The following RALA variants were observed in gnomAD, a reference collection of about 807,000 sequenced individuals.
The protein encoded by RALA is RAS like proto-oncogene A.
RALA carries 5 observed loss-of-function variants against 24.0 expected under a neutral mutation model. That is an observed-to-expected ratio of 0.21 (90% CI 0.11 to 0.44). The LOEUF is 0.44. Ranked by LOEUF, RALA falls within the 20% of genes least tolerant of loss-of-function variation. The pLI is 0.99. For missense variants in RALA, 95 were observed against 241.2 expected (o/e 0.39, Z 4.01); for synonymous variants, 77 against 83.8 (o/e 0.92, Z 0.44).
At chr7:39,697,320 C>T in intron 4 of RALA, 1 of 455,944 alleles carries the variant, frequency 2.2e-6, no homozygotes, top group South Asian at 1.6e-5. Flanking sequence ...CTCTCCACTC[C>T]CCACCCTCAA....
In RALA at chr7:39,629,669, C is replaced by G. The variant is rs186407661; in HGVS notation, c.-38+5844C>G. Among the ~76,000 whole-genome samples the G allele has an allele frequency of 4.6e-5, 7 of 152,304 alleles. No individual in the cohort carries two copies. In the East Asian group the frequency reaches 1.4e-3, roughly 29 times the overall value. On this transcript the variant is annotated intron_variant, in intron 1 of 4. Coordinates refer to ENST00000005257, the MANE Select transcript of RALA (RefSeq NM_005402.4). ...GGAGTACAGTGGCGCCATCTCAGCT[C>G]ACTGCAACCTCTGCCTCCTAGGTTC...
chr7:39,657,072 A>C (rs1209962059), intron 1 of RALA, among the ~76,000 whole-genome samples: 1 of 151,976 alleles, frequency 6.6e-6, no homozygotes, highest in East Asian at 1.9e-4. Context: ...GGTTTAAGCG[A>C]TTCTCCCGTT....
chr7:39,691,907 GAATA>G (rs1457867442), intron 3 of RALA, among the ~76,000 whole-genome samples: 1 of 152,106 alleles, frequency 6.6e-6, no homozygotes, highest in African/African-American at 2.4e-5. Context: ...CTAAGTAATG[GAATA>G]AATGTTATCA....
Position 39,623,858 on chromosome 7 carries a change from G to T in RALA, c.-38+33G>T, listed in dbSNP as rs538623575. ...ATGCCCGCTCGGGCCGCCCGGGGAG[G>T]GACTGGGGCCACCCGGGCGGCGGCG... On this transcript the variant is annotated intron_variant, in intron 1 of 4. Coordinates refer to ENST00000005257, the MANE Select transcript of RALA (RefSeq NM_005402.4). This position sits in a 1 kb window ranked among gnomAD's most constrained non-coding sequence, Gnocchi z 4.9. The T allele has an allele frequency of 6.6e-6, 1 of 152,054 alleles. No homozygotes were observed. Among genetic ancestry groups the T allele is most frequent in the Non-Finnish European group, 1.5e-5 (1 of 68,064 alleles). The allele number at this position is 152,054 out of a possible 1,614,324, so 9.4% of individuals were successfully genotyped here. A position where few individuals can be genotyped will look rare whatever the true frequency, so the allele number is the denominator to read the frequency against.
intron 1 of RALA, among the ~76,000 whole-genome samples, chr7:39,670,903 CCTTACAGTAA>C (rs1562617722): frequency 6.6e-6 from 1 of 152,216 alleles, no homozygotes; most frequent in East Asian, 1.9e-4. Context: ...TCCATCATTT[CCTTACAGTAA>C]CTCTTCTCTC....
chr7:39,678,442 G>A (rs1792527975), intron 1 of RALA, among the ~76,000 whole-genome samples: 1 of 152,170 alleles, frequency 6.6e-6, no homozygotes. Flanking sequence ...ATGGAGGAAA[G>A]AAGAAAGGAA....
At chr7:39,653,807 A>G (rs961202459) in intron 1 of RALA, among the ~76,000 whole-genome samples, 4 of 152,210 alleles carry the variant, frequency 2.6e-5, no homozygotes, top group African/African-American at 9.6e-5. Flanking sequence ...CAGAGTACCT[A>G]TTCCTCCTGG....
intron 4 of RALA, 94 bp from the exon 5 acceptor site, chr7:39,706,029 C>A: frequency 8.8e-7 from 1 of 1,137,134 alleles, no homozygotes; most frequent in Non-Finnish European, 1.2e-6. Context: ...AATATTTATA[C>A]TTCTGTTACC....
chr7:39,689,233 T>C (rs1792771795), intron 2 of RALA, among the ~76,000 whole-genome samples: 1 of 152,120 alleles, frequency 6.6e-6, no homozygotes, highest in South Asian at 2.1e-4. Context: ...GCTCAAGTGA[T>C]CCACTCACCT....
In RALA at chr7:39,648,452, C is replaced by T. The variant is rs541827913; in HGVS notation, c.-38+24627C>T. On this transcript the variant is annotated intron_variant, in intron 1 of 4. Transcript: ENST00000005257. Reference sequence around the variant, plus strand: ...TGTCTCTTTTCACAGTTAACTCTTTCGTCCAGCAGATATTAAGGGCCTCAT... The same window carrying T: ...TGTCTCTTTTCACAGTTAACTCTTTTGTCCAGCAGATATTAAGGGCCTCAT... Among the ~76,000 whole-genome samples, 149 of 150,494 alleles carry T rather than the reference C, an allele frequency of 9.9e-4. 1 individual carries two copies. The highest frequency in any genetic ancestry group is 1.4e-3 in the East Asian group (7 of 5,148).
In RALA at chr7:39,706,030, T is replaced by C. The variant is rs2115564088; in HGVS notation, c.499-93T>C. ...AACAAGAGCTCTTAAATATTTATAC[T>C]TCTGTTACCCCCAAAGTTTACTGCT... On this transcript the variant is annotated intron_variant, in intron 4 of 4. Coordinates refer to ENST00000005257, the MANE Select transcript of RALA (RefSeq NM_005402.4). The C allele has an allele frequency of 4.3e-6, 5 of 1,152,938 alleles. No homozygotes were observed. In the East Asian group the frequency reaches 1.0e-4, roughly 24 times the overall value. 71.4% of individuals were successfully genotyped at this position (1,152,938 alleles called of 1,614,324 possible). A position where few individuals can be genotyped will look rare whatever the true frequency, so the allele number is the denominator to read the frequency against.
At position 39,707,158 on chromosome 7, in the gene RALA, T is replaced by C. The variant is rs1438149014; in HGVS notation, c.*913T>C. 1 of 152,546 alleles carries C rather than the reference T, an allele frequency of 6.6e-6. No homozygotes were observed. The highest frequency in any genetic ancestry group is 1.9e-4 in the East Asian group (1 of 5,202). The allele number at this position is 152,546 out of a possible 1,614,324, so 9.4% of individuals were successfully genotyped here. On this transcript the variant is annotated 3_prime_UTR_variant, in exon 5 of 5. Coordinates refer to ENST00000005257, the MANE Select transcript of RALA (RefSeq NM_005402.4). ...TGCAAGGATTCAGCACCAGTTATGT[T>C]TGAATGAACCCTCCTTTTCTCTGAG...
chr7:39,663,868 C>CT (rs1258147600), intron 1 of RALA, among the ~76,000 whole-genome samples: 1 of 152,090 alleles, frequency 6.6e-6, no homozygotes, highest in Non-Finnish European at 1.5e-5. Flanking sequence ...TATATGACAA[C>CT]TTAAAGCAAA....
intron 1 of RALA, among the ~76,000 whole-genome samples, chr7:39,665,346 A>C (rs1224381994): frequency 6.6e-6 from 1 of 152,136 alleles, no homozygotes; most frequent in Non-Finnish European, 1.5e-5. Context: ...TCTCTAGCTT[A>C]CTTTATTGTC....
At chr7:39,696,441 A>C (rs1426651470) in intron 3 of RALA, among the ~76,000 whole-genome samples, 1 of 152,192 alleles carries the variant, frequency 6.6e-6, no homozygotes, top group Non-Finnish European at 1.5e-5. Flanking sequence ...GACGAAACTA[A>C]ATGTCATGTG....
chr7:39,680,680 A>G (rs1428486547), intron 1 of RALA, among the ~76,000 whole-genome samples: 1 of 151,500 alleles, frequency 6.6e-6, no homozygotes, highest in Non-Finnish European at 1.5e-5. Flanking sequence ...CTTAGGCTTT[A>G]TATTGGTATG....
At chr7:39,704,451 G>A (rs113345293) in intron 4 of RALA, among the ~76,000 whole-genome samples, 4 of 151,444 alleles carry the variant, frequency 2.6e-5, no homozygotes, top group African/African-American at 9.7e-5. Context: ...TCGAGTAGCT[G>A]GGATTACAGG....
chr7:39,654,912 C>T (rs1792071817), intron 1 of RALA, among the ~76,000 whole-genome samples: 1 of 152,000 alleles, frequency 6.6e-6, no homozygotes, highest in African/African-American at 2.4e-5. Context: ...CACACTATAC[C>T]CAGCTAATTT....
intron 1 of RALA, among the ~76,000 whole-genome samples, chr7:39,629,436 A>G (rs1265036270): frequency 6.6e-6 from 1 of 152,008 alleles, no homozygotes; most frequent in Non-Finnish European, 1.5e-5. Context: ...CCTTTTTGAG[A>G]TGGAGTTTCG....
Sources: gnomAD v4.1 joint callset for allele counts (sites outside exome capture counted in the v4.1 genomes callset) on GRCh38, gnomAD v4.1.1 for gene constraint, Gnocchi (gnomAD v3.1) non-coding constraint, MANE v1.5 for transcripts, NCBI Gene and HGNC (gene_info 2026-07-23, HGNC 2026-07-21) for gene names.